Variants in MCTP1 observed in about 807,000 individuals in gnomAD.
MCTP1 encodes multiple C2 and transmembrane domain-containing protein 1.
Under a neutral mutation model 120.6 loss-of-function variants are expected in MCTP1, and 69 were observed. That is an observed-to-expected ratio of 0.57 (90% CI 0.47 to 0.70). The LOEUF (loss-of-function observed/expected upper bound fraction) is 0.70, where lower values mean the gene tolerates loss of function less well. MCTP1 is among the 30% of genes least tolerant of loss of function. The pLI is 0.00. For synonymous variants in MCTP1, 529 were observed against 493.1 expected (o/e 1.07, Z -0.96); for missense variants, 1,203 against 1,248.8 (o/e 0.96, Z 0.55).
intron 2 of MCTP1, among the ~76,000 whole-genome samples, chr5:94,989,224 C>G (rs1207547741): frequency 6.6e-6 from 1 of 152,134 alleles, no homozygotes; most frequent in East Asian, 1.9e-4. Flanking sequence ...AGCCATCGTG[C>G]CTTTCTTCTG....
intron 2 of MCTP1, among the ~76,000 whole-genome samples, chr5:94,995,156 C>T (rs923310851): frequency 1.2e-4 from 19 of 152,152 alleles, no homozygotes; most frequent in African/African-American, 2.7e-4. Flanking sequence ...CTCTAGAGAA[C>T]GCTGACTAAG....
At chr5:95,040,313 T>G (rs1400514904) in intron 1 of MCTP1, among the ~76,000 whole-genome samples, 4 of 152,010 alleles carry the variant, frequency 2.6e-5, no homozygotes, top group Non-Finnish European at 4.4e-5. Flanking sequence ...TGGTTCACAC[T>G]TGTAATTCCA....
At chr5:94,913,088 T>G in intron 8 of MCTP1, 112 bp from the exon 9 acceptor site, 2 of 546,760 alleles carry the variant, frequency 3.7e-6, no homozygotes, top group South Asian at 8.5e-5. Context: ...GATCGGCAAT[T>G]ATAATTTTTT....
intron 12 of MCTP1, among the ~76,000 whole-genome samples, chr5:94,885,716 T>TAA (rs1354316118): frequency 1.3e-5 from 2 of 151,864 alleles, no homozygotes; most frequent in Non-Finnish European, 2.9e-5. Context: ...TAGGTCTTGC[T>TAA]TTGATGGTGT....
intron 1 of MCTP1, among the ~76,000 whole-genome samples, chr5:95,168,713 A>T (rs191278530): frequency 1.3e-5 from 2 of 152,248 alleles, no homozygotes; most frequent in African/African-American, 4.8e-5. Flanking sequence ...TGTTATTGGC[A>T]TATAAGAATG....
intron 1 of MCTP1, among the ~76,000 whole-genome samples, chr5:95,038,594 G>C (rs1422845863): frequency 6.6e-6 from 1 of 151,982 alleles, no homozygotes; most frequent in Non-Finnish European, 1.5e-5. Flanking sequence ...AGAGAAACCT[G>C]ACAAACTACA....
At chr5:94,873,061 CA>C (rs1798123751) in intron 13 of MCTP1, 77 bp downstream of exon 13, 3 of 835,098 alleles carry the variant, frequency 3.6e-6, no homozygotes, top group East Asian at 2.6e-5. Flanking sequence ...TAAACACACA[CA>C]TTTTTTTTAA....
intron 1 of MCTP1, among the ~76,000 whole-genome samples, chr5:95,030,070 TG>T (rs1840000844): frequency 6.6e-6 from 1 of 152,144 alleles, no homozygotes. Context: ...CCCATTTTGG[TG>T]GTAGCCCTCA....
At chr5:94,803,908 G>A (rs1781720894) in intron 17 of MCTP1, among the ~76,000 whole-genome samples, 1 of 152,004 alleles carries the variant, frequency 6.6e-6, no homozygotes, top group African/African-American at 2.4e-5. Flanking sequence ...AACTTATTTT[G>A]GTCAAGGATA....
At chr5:94,913,003 G>T in intron 8 of MCTP1, 27 bp from the exon 9 acceptor site, 1 of 1,573,030 alleles carries the variant, frequency 6.4e-7, no homozygotes, top group Non-Finnish European at 8.6e-7. Context: ...ATTGAGTTAG[G>T]TTACTGTGTT....
chr5:95,243,090 T>C (rs1037363861), intron 1 of MCTP1, among the ~76,000 whole-genome samples: 1 of 152,128 alleles, frequency 6.6e-6, no homozygotes, highest in Admixed American at 6.6e-5. Context: ...AAGACTGTGA[T>C]ACAAGGGAAA....
chr5:94,940,317 A>G, intron 4 of MCTP1, 122 bp from the exon 5 acceptor site: 1 of 559,250 alleles, frequency 1.8e-6, no homozygotes. Context: ...TTCTTGGGAC[A>G]ATTTTTGTTA....
In MCTP1 at chr5:94,966,338, C is replaced by T. The variant is rs146053299; in HGVS notation, c.839-12977G>A. 4.8e-3 allele frequency among the ~76,000 whole-genome samples: 725 copies of T among 152,230 alleles called. 4 individuals carry two copies. Among genetic ancestry groups the T allele is most frequent in the African/African-American group, 0.017 (696 of 41,546 alleles). ...GTGTGAAAGTATTAAGCAATTGTTG[C>T]AATACTACGTATAATACCACTATTG... On this transcript the variant is annotated intron_variant, in intron 2 of 22. Coordinates refer to ENST00000515393, the MANE Select transcript of MCTP1 (RefSeq NM_024717.7).
At chr5:94,987,783 C>T (rs1421151631) in intron 2 of MCTP1, among the ~76,000 whole-genome samples, 3 of 152,146 alleles carry the variant, frequency 2.0e-5, no homozygotes, top group African/African-American at 7.2e-5. Context: ...CAGTGTACTA[C>T]TTTTAATAAG....
chr5:95,222,101 C>A (rs957619850), intron 1 of MCTP1, among the ~76,000 whole-genome samples: 1 of 152,170 alleles, frequency 6.6e-6, no homozygotes, highest in Non-Finnish European at 1.5e-5. Context: ...TGGAGGTAAT[C>A]AGCCCAGGTC....
chr5:95,056,643 C>T (rs769664054), intron 1 of MCTP1, among the ~76,000 whole-genome samples: 1 of 152,144 alleles, frequency 6.6e-6, no homozygotes, highest in African/African-American at 2.4e-5. Flanking sequence ...CTCTCTGAGT[C>T]TCTACTAAGT....
intron 1 of MCTP1, among the ~76,000 whole-genome samples, chr5:95,059,508 G>A (rs1212731916): frequency 6.6e-6 from 1 of 151,778 alleles, no homozygotes; most frequent in Non-Finnish European, 1.5e-5. Flanking sequence ...TCAAATCTCA[G>A]CATTATGCAA....
chr5:95,098,991 T>C (rs1225202864), intron 1 of MCTP1, among the ~76,000 whole-genome samples: 1 of 152,086 alleles, frequency 6.6e-6, no homozygotes, highest in Non-Finnish European at 1.5e-5. Context: ...ATCTGATCTT[T>C]GACAAACCTG....
intron 17 of MCTP1, among the ~76,000 whole-genome samples, chr5:94,815,217 C>T (rs1784273806): frequency 6.6e-6 from 1 of 152,170 alleles, no homozygotes; most frequent in Non-Finnish European, 1.5e-5. Flanking sequence ...GTTTTTATGC[C>T]AGCACTTCCA....
Sources: gnomAD v4.1 joint callset for allele counts (sites outside exome capture counted in the v4.1 genomes callset) on GRCh38, gnomAD v4.1.1 for gene constraint, MANE v1.5 for transcripts, NCBI Gene and HGNC (gene_info 2026-07-23, HGNC 2026-07-21) for gene names.